Variants in EFCAB6 observed in about 807,000 individuals in gnomAD.
The protein encoded by EFCAB6 is EF-hand calcium-binding domain-containing protein 6.
A neutral mutation model predicts 169.8 loss-of-function variants in EFCAB6; 156 were observed. That is an observed-to-expected ratio of 0.92 (90% confidence interval 0.81 to 1.05). The LOEUF is 1.05. EFCAB6 is among the 50% of genes least tolerant of loss of function. The pLI, the probability that EFCAB6 is intolerant of heterozygous loss-of-function variation, is 0.00. For synonymous variants in EFCAB6, 698 were observed against 676.4 expected, an observed-to-expected ratio of 1.03 and a Z score of -0.50; for missense variants, 1,800 against 1,829.1, an observed-to-expected ratio of 0.98 and a Z score of 0.29.
chr22:43,537,688 A>C lies in EFCAB6; in HGVS notation c.3880-143T>G. The C allele has an allele frequency of 9.7e-7, 1 of 1,026,430 alleles. No homozygotes were observed. The highest frequency in any genetic ancestry group is 1.4e-6 in the Non-Finnish European group (1 of 733,714). The allele number at this position is 1,026,430 out of a possible 1,614,324, so 63.6% of individuals were successfully genotyped here. Reference sequence around the variant, plus strand: ...AAATAAAATGAAGAATAAAACATAGATGGTGATTTTACAATGTAGCTTTTA... The same window carrying C: ...AAATAAAATGAAGAATAAAACATAGCTGGTGATTTTACAATGTAGCTTTTA... On this transcript the variant is annotated intron_variant, in intron 28 of 31. Transcript: ENST00000262726. The surrounding 1 kb of genome is among the most constrained non-coding windows in gnomAD (Gnocchi z 4.3).
chr22:43,717,116 T>C (rs1382866843), intron 8 of EFCAB6, 144 bp from the exon 9 acceptor site: 2 of 1,084,080 alleles, frequency 1.8e-6, no homozygotes, highest in Admixed American at 3.9e-5. Context: ...ATTAATGGTG[T>C]TGAAATAACT....
At chr22:43,582,302 G>C (rs552786888) in intron 24 of EFCAB6, among the ~76,000 whole-genome samples, 2 of 151,640 alleles carry the variant, frequency 1.3e-5, no homozygotes, top group African/African-American at 4.8e-5. Context: ...AAAACATATA[G>C]GCATTTGAGG....
intron 26 of EFCAB6, among the ~76,000 whole-genome samples, chr22:43,563,918 C>T (rs1026622874): frequency 1.3e-5 from 2 of 152,234 alleles, no homozygotes; most frequent in Non-Finnish European, 2.9e-5. Flanking sequence ...GTCTCTTGAC[C>T]GGCTGCGGTG....
chr22:43,611,588 G>A (rs185048345), intron 21 of EFCAB6, among the ~76,000 whole-genome samples: 91 of 152,268 alleles, frequency 6.0e-4, no homozygotes, highest in African/African-American at 2.1e-3. Flanking sequence ...CTTGAGCCCA[G>A]GAGTTCAAGA....
intron 10 of EFCAB6, among the ~76,000 whole-genome samples, chr22:43,706,767 C>T (rs1345554437): frequency 6.6e-6 from 1 of 152,180 alleles, no homozygotes; most frequent in African/African-American, 2.4e-5. Context: ...GTCAGAAACT[C>T]CTATTTAGCC....
In EFCAB6 at chr22:43,540,243, A is replaced by T. The variant is rs1602136085; in HGVS notation, c.3763T>A (p.Ser1255Thr). The change falls in exon 28 of 32, where the codon TCG becomes ACG. Residue 1255 changes from serine to threonine, a missense_variant. Ser to Thr is a moderately conservative substitution (Grantham distance 58, BLOSUM62 1). Transcript: ENST00000262726. ...TAATPMATGD[S>T]AVAQRGSSVP... ...CTGCTCCCTCTCTGGGCCACGGCCG[A>T]GTCACCAGTGGCCATTGGTGTGGCT... 6.2e-7 allele frequency: 1 copy of T among 1,614,206 alleles called. No homozygotes were observed. Among genetic ancestry groups the T allele is most frequent in the Non-Finnish European group, 8.5e-7 (1 of 1,180,032 alleles).
intron 2 of EFCAB6, among the ~76,000 whole-genome samples, chr22:43,804,188 A>T (rs551806354): frequency 3.3e-5 from 5 of 152,202 alleles, no homozygotes; most frequent in Non-Finnish European, 7.3e-5. Context: ...AAACTCACAA[A>T]CACATGGAAA....
chr22:43,743,065 G>C (rs1445680299), intron 6 of EFCAB6, among the ~76,000 whole-genome samples: 1 of 152,218 alleles, frequency 6.6e-6, no homozygotes, highest in Non-Finnish European at 1.5e-5. Context: ...TGTCACATAG[G>C]AGTGAAGTAA....
intron 4 of EFCAB6, among the ~76,000 whole-genome samples, chr22:43,768,161 G>C (rs2061373725): frequency 6.6e-6 from 1 of 152,156 alleles, no homozygotes; most frequent in Non-Finnish European, 1.5e-5. Context: ...TTCAGGGACT[G>C]AGGCCACATT....
intron 18 of EFCAB6, among the ~76,000 whole-genome samples, chr22:43,634,685 G>T (rs778203013): frequency 1.4e-4 from 22 of 151,894 alleles, no homozygotes; most frequent in Non-Finnish European, 2.8e-4. Flanking sequence ...CGGGCCTGGG[G>T]GTGGGGCTGG....
intron 10 of EFCAB6, among the ~76,000 whole-genome samples, chr22:43,697,103 C>T (rs1357356337): frequency 3.1e-4 from 47 of 152,206 alleles, no homozygotes; most frequent in Admixed American, 2.9e-3. Flanking sequence ...GCTGTGCTTT[C>T]GCCTACCAAA....
rs1305462849 is a variant in EFCAB6 at position 43,599,985 on chromosome 22, T to C, written c.2876+84A>G. The C allele has an allele frequency of 5.0e-6, 7 of 1,397,658 alleles. No homozygotes were observed. The East Asian group carries it at 1.6e-4, about 32-fold the overall frequency. 86.6% of individuals were successfully genotyped at this position (1,397,658 alleles called of 1,614,324 possible). A position where few individuals can be genotyped will look rare whatever the true frequency, so the allele number is the denominator to read the frequency against. On this transcript the variant is annotated intron_variant, in intron 23 of 31. Coordinates refer to ENST00000262726, the MANE Select transcript of EFCAB6 (RefSeq NM_022785.4). ...CTGTAACTTTGCCAGCATGGGAAGG[T>C]ACCATTTTAAAATAACTTGTGCTGT...
chr22:43,704,578 G>T (rs2058886189), intron 10 of EFCAB6, among the ~76,000 whole-genome samples: 1 of 152,102 alleles, frequency 6.6e-6, no homozygotes, highest in African/African-American at 2.4e-5. Context: ...AGAATAAATT[G>T]TCAAGAAATA....
chr22:43,534,140 T>TTGTCAAG (rs1412697161), intron 30 of EFCAB6, among the ~76,000 whole-genome samples: 3 of 152,210 alleles, frequency 2.0e-5, no homozygotes, highest in Non-Finnish European at 4.4e-5. Flanking sequence ...TAATCACCAG[T>TTGTCAAG]TGTCAAGGGA....
chr22:43,662,305 C>T (rs1569337983), intron 17 of EFCAB6, among the ~76,000 whole-genome samples: 1 of 152,062 alleles, frequency 6.6e-6, no homozygotes, highest in Non-Finnish European at 1.5e-5. Context: ...ACCCACAGGG[C>T]CCCATCCACC....
chr22:43,686,651 G>A (rs2058206902), intron 11 of EFCAB6, among the ~76,000 whole-genome samples: 1 of 152,198 alleles, frequency 6.6e-6, no homozygotes, highest in Admixed American at 6.5e-5. Flanking sequence ...TTACCTGCAA[G>A]GCTGTTAACA....
intron 30 of EFCAB6, among the ~76,000 whole-genome samples, 168 bp downstream of exon 30, chr22:43,534,520 G>A (rs2047272818): frequency 6.6e-6 from 1 of 152,172 alleles, no homozygotes; most frequent in Non-Finnish European, 1.5e-5. Flanking sequence ...TAGTTAGTTG[G>A]GATGCTGAAG....
At chr22:43,575,366 T>G (rs1050788151) in intron 26 of EFCAB6, among the ~76,000 whole-genome samples, 1 of 148,850 alleles carries the variant, frequency 6.7e-6, no homozygotes, top group Non-Finnish European at 1.5e-5. Flanking sequence ...ATGTTTTTTT[T>G]TTTTTTTTTT....
At chr22:43,657,981 C>T (rs886097638) in intron 17 of EFCAB6, among the ~76,000 whole-genome samples, 6 of 152,184 alleles carry the variant, frequency 3.9e-5, no homozygotes, top group East Asian at 1.9e-4. Flanking sequence ...GTAATCCCAG[C>T]ACTTTGGGAG....
Sources: allele counts gnomAD v4.1 joint callset (sites outside exome capture counted in the v4.1 genomes callset), GRCh38; gene constraint gnomAD v4.1.1; non-coding constraint Gnocchi (gnomAD v3.1); transcripts MANE v1.5; gene names NCBI Gene and HGNC (gene_info 2026-07-23, HGNC 2026-07-21).